LYN: variants seen among roughly 807,000 people sequenced by gnomAD.
LYN encodes LYN proto-oncogene, Src family tyrosine kinase.
Under a neutral mutation model 65.0 loss-of-function variants are expected in LYN, and 12 were observed. The ratio of observed to expected loss-of-function variants is 0.18; its 90% CI spans 0.12 to 0.30. The LOEUF (loss-of-function observed/expected upper bound fraction) is 0.30. Among genes scored for constraint, LYN ranks in the 10% least tolerant of loss-of-function variants. LYN has a pLI of 1.00. For synonymous variants in LYN, 222 were observed against 221.2 expected, an observed-to-expected ratio of 1.00 and a Z score of -0.03; for missense variants, 380 against 623.2, an observed-to-expected ratio of 0.61 and a Z score of 4.16.
chr8:55,972,488 T>C (rs1169149105), intron 10 of LYN, among the ~76,000 whole-genome samples: 3 of 152,148 alleles, frequency 2.0e-5, no homozygotes, highest in African/African-American at 7.2e-5. Context: ...CAGCCTGAAA[T>C]CCCATACCTT....
In LYN at chr8:55,885,944, C is replaced by G. The variant is rs765784983; in HGVS notation, c.-6+5841C>G. 2.3e-5 allele frequency among the ~76,000 whole-genome samples: 3 copies of G among 130,010 alleles called. No homozygotes were observed. In the South Asian group the frequency reaches 8.3e-4, roughly 36 times the overall value. 85.3% of individuals were successfully genotyped at this position (130,010 alleles called of 152,430 possible). A position where few individuals can be genotyped will look rare whatever the true frequency, so the allele number is the denominator to read the frequency against. ...CTGCCCTCTGCATTTTCGGTTTGCC[C>G]TTAAGTGAGGGGTGGGGCGGGGTGG... On this transcript the variant is annotated intron_variant, in intron 1 of 12. Coordinates refer to ENST00000519728, the MANE Select transcript of LYN (RefSeq NM_002350.4).
chr8:55,989,617 G>A (rs1229027924), intron 10 of LYN, among the ~76,000 whole-genome samples: 3 of 152,198 alleles, frequency 2.0e-5, no homozygotes, highest in Non-Finnish European at 2.9e-5. Flanking sequence ...AGAGGAGAGG[G>A]AATTTAAATG....
intron 10 of LYN, among the ~76,000 whole-genome samples, chr8:55,989,123 G>T (rs570723737): frequency 2.1e-3 from 319 of 152,362 alleles, no homozygotes; most frequent in African/African-American, 6.0e-3. Context: ...CAGCAAGGCT[G>T]GTGATGGCTC....
intron 1 of LYN, among the ~76,000 whole-genome samples, chr8:55,919,197 A>G (rs935396721): frequency 2.6e-5 from 4 of 152,194 alleles, no homozygotes; most frequent in Admixed American, 6.5e-5. Flanking sequence ...TTCAGGGCTA[A>G]TTAAAGGAAA....
At chr8:55,968,764 C>T (rs897347359) in intron 9 of LYN, among the ~76,000 whole-genome samples, 5 of 152,192 alleles carry the variant, frequency 3.3e-5, no homozygotes, top group Admixed American at 3.3e-4. Context: ...GATTCCAACC[C>T]CCCAAAACTG....
intron 1 of LYN, among the ~76,000 whole-genome samples, chr8:55,918,162 G>A (rs953352972): frequency 7.9e-5 from 12 of 152,210 alleles, no homozygotes; most frequent in Non-Finnish European, 1.5e-4. Context: ...ACTCTCTGCT[G>A]TCTGTCTCTG....
rs917964930 is a variant in LYN, at chr8:56,003,370, C to T, written c.1336+3821C>T. Among the ~76,000 whole-genome samples, 7 of 152,026 alleles carry T rather than the reference C, an allele frequency of 4.6e-5. No homozygotes were observed. In the South Asian group the frequency reaches 6.2e-4, roughly 13 times the overall value. On this transcript the variant is annotated intron_variant, in intron 12 of 12. Coordinates refer to ENST00000519728, the MANE Select transcript of LYN (RefSeq NM_002350.4). ...GCCACCTCACTCGACCTGTGTTGTT[C>T]GTTTTTAAAGTACTTTAGAAGCTAT...
chr8:55,962,070 T>C (rs74868519), intron 8 of LYN, among the ~76,000 whole-genome samples: 2,606 of 152,362 alleles, frequency 0.017, 42 homozygotes, highest in East Asian at 0.069. Context: ...ACGTCTTGCC[T>C]CTTTTACTCA....
chr8:55,964,920 C>T (rs1292737550), intron 8 of LYN, among the ~76,000 whole-genome samples: 2 of 152,190 alleles, frequency 1.3e-5, no homozygotes, highest in Admixed American at 6.5e-5. Context: ...GTCCACTCCA[C>T]GTCACCTTTC....
intron 1 of LYN, among the ~76,000 whole-genome samples, chr8:55,922,816 A>G (rs1805983992): frequency 6.6e-6 from 1 of 152,196 alleles, no homozygotes; most frequent in African/African-American, 2.4e-5. Flanking sequence ...TAGAATTCAT[A>G]AAGATGAGTG....
chr8:55,901,582 G>T (rs971514114), intron 1 of LYN, among the ~76,000 whole-genome samples: 2 of 152,298 alleles, frequency 1.3e-5, no homozygotes, highest in South Asian at 2.1e-4. Flanking sequence ...GACAGGCAGA[G>T]GAATGTATTG....
intron 10 of LYN, among the ~76,000 whole-genome samples, chr8:55,994,933 A>G (rs1305880408): frequency 6.6e-6 from 1 of 152,174 alleles, no homozygotes; most frequent in Non-Finnish European, 1.5e-5. Context: ...CCAAAAGCCT[A>G]CTGTGTTATA....
At chr8:55,904,698 C>T (rs1019450781) in intron 1 of LYN, among the ~76,000 whole-genome samples, 3 of 151,892 alleles carry the variant, frequency 2.0e-5, no homozygotes, top group South Asian at 2.1e-4. Context: ...TGCAGTGAGC[C>T]GAGATTGCAC....
intron 1 of LYN, among the ~76,000 whole-genome samples, chr8:55,922,248 C>T (rs1487585601): frequency 6.6e-6 from 1 of 152,054 alleles, no homozygotes; most frequent in Non-Finnish European, 1.5e-5. Context: ...CCACCACGCC[C>T]AGCTAATGTG....
intron 1 of LYN, among the ~76,000 whole-genome samples, chr8:55,933,598 G>A (rs566883423): frequency 8.5e-5 from 13 of 152,142 alleles, no homozygotes; most frequent in Non-Finnish European, 1.6e-4. Flanking sequence ...TCATTTTATG[G>A]TGAGGCAATT....
At chr8:56,001,220 T>C (rs1326041520) in intron 12 of LYN, among the ~76,000 whole-genome samples, 1 of 152,120 alleles carries the variant, frequency 6.6e-6, no homozygotes, top group Non-Finnish European at 1.5e-5. Context: ...TTTGGGCCTC[T>C]GTGAGTATTT....
intron 2 of LYN, among the ~76,000 whole-genome samples, chr8:55,942,253 G>A (rs1345135800): frequency 6.6e-6 from 1 of 150,512 alleles, no homozygotes; most frequent in Non-Finnish European, 1.5e-5. Context: ...TATTACTGGT[G>A]CAAAGACCCC....
chr8:55,993,406 A>C (rs1254316326), intron 10 of LYN, among the ~76,000 whole-genome samples: 1 of 152,188 alleles, frequency 6.6e-6, no homozygotes, highest in African/African-American at 2.4e-5. Context: ...GTACTCTCTC[A>C]ATGAAATCTT....
chr8:55,942,954 G>A (rs1419742755), intron 2 of LYN, among the ~76,000 whole-genome samples: 1 of 152,120 alleles, frequency 6.6e-6, no homozygotes, highest in African/African-American at 2.4e-5. Flanking sequence ...TACAGATCCT[G>A]AAGTTGTCAT....
Sources: gnomAD v4.1 joint callset for allele counts (sites outside exome capture counted in the v4.1 genomes callset) on GRCh38, gnomAD v4.1.1 for gene constraint, MANE v1.5 for transcripts, NCBI Gene and HGNC (gene_info 2026-07-23, HGNC 2026-07-21) for gene names.